Variants in CNTN1 observed in about 807,000 individuals in gnomAD.
CNTN1 encodes contactin 1.
CNTN1 carries 38 observed loss-of-function variants against 126.4 expected under a neutral mutation model. The ratio of observed to expected loss-of-function variants is 0.30; its 90% confidence interval spans 0.23 to 0.39. CNTN1 has a LOEUF of 0.39. Ranked by LOEUF, CNTN1 falls within the 10% of genes least tolerant of loss-of-function variation. The pLI, the probability that CNTN1 is intolerant of heterozygous loss-of-function variation, is 1.00. For synonymous variants in CNTN1, 413 were observed against 422.6 expected, an observed-to-expected ratio of 0.98 and a Z score of 0.28; for missense variants, 1,009 against 1,248.4, an observed-to-expected ratio of 0.81 and a Z score of 2.89.
At chr12:41,020,230 T>G in intron 19 of CNTN1, 107 bp from the exon 20 acceptor site, 2 of 677,538 alleles carry the variant, frequency 3.0e-6, no homozygotes, top group Non-Finnish European at 5.1e-6. Flanking sequence ...TTTAGAAACA[T>G]TAAAATTAAA....
intron 10 of CNTN1, 68 bp downstream of exon 10, chr12:40,936,973 G>C: frequency 6.3e-7 from 1 of 1,595,298 alleles, no homozygotes; most frequent in Non-Finnish European, 8.6e-7. Context: ...GTAGTCCTGG[G>C]ATAAATTTAG....
chr12:40,823,852 T>G (rs2136533142), intron 1 of CNTN1, among the ~76,000 whole-genome samples: 1 of 152,310 alleles, frequency 6.6e-6, no homozygotes, highest in East Asian at 1.9e-4. Flanking sequence ...TTGTTAAATC[T>G]AAAATTATTT....
intron 1 of CNTN1, among the ~76,000 whole-genome samples, chr12:40,699,350 T>A (rs1359640010): frequency 6.6e-6 from 1 of 152,200 alleles, no homozygotes; most frequent in Non-Finnish European, 1.5e-5. Flanking sequence ...CTAAAAATTA[T>A]GTCAATCTTC....
chr12:40,722,082 T>G (rs150569146), intron 1 of CNTN1, among the ~76,000 whole-genome samples: 2 of 152,224 alleles, frequency 1.3e-5, no homozygotes, highest in East Asian at 3.9e-4. Flanking sequence ...ACAACAGGCT[T>G]CTCTCCATCA....
intron 15 of CNTN1, chr12:40,972,441 G>A (rs1947546269): frequency 2.0e-6 from 2 of 983,152 alleles, no homozygotes; most frequent in South Asian, 9.4e-5. Flanking sequence ...AGACAGGTTT[G>A]TGTTTAGGTA....
chr12:40,993,665 G>A (rs1174202510), intron 17 of CNTN1, among the ~76,000 whole-genome samples: 1 of 152,178 alleles, frequency 6.6e-6, no homozygotes, highest in East Asian at 1.9e-4. Flanking sequence ...GATTTAGAAG[G>A]TTCATAATTC....
chr12:40,998,879 C>A (rs768877623), intron 17 of CNTN1, among the ~76,000 whole-genome samples: 28 of 152,016 alleles, frequency 1.8e-4, no homozygotes, highest in Non-Finnish European at 3.2e-4. Context: ...ATTAACTTTT[C>A]ATCTGTAAAA....
At chr12:41,016,590 A>G (rs953699152) in intron 18 of CNTN1, 92 bp from the exon 19 acceptor site, 2 of 801,162 alleles carry the variant, frequency 2.5e-6, no homozygotes, top group Non-Finnish European at 4.3e-6. Context: ...TTTTACAAAG[A>G]GCACGCCTCC....
chr12:40,788,678 T>TA (rs1424969099), intron 1 of CNTN1, among the ~76,000 whole-genome samples: 1 of 152,124 alleles, frequency 6.6e-6, no homozygotes, highest in Non-Finnish European at 1.5e-5. Context: ...AGCCATAATT[T>TA]AGCAGATCAT....
intron 19 of CNTN1, among the ~76,000 whole-genome samples, chr12:41,017,381 C>CAAAAAAAAAAA (rs1178250513): frequency 1.3e-5 from 1 of 79,626 alleles, no homozygotes; most frequent in Non-Finnish European, 2.8e-5. Context: ...GACTCCGTCT[C>CAAAAAAAAAAA]AAAAAAAAAA....
At chr12:40,989,856 T>G (rs984110098) in intron 16 of CNTN1, among the ~76,000 whole-genome samples, 1 of 152,044 alleles carries the variant, frequency 6.6e-6, no homozygotes, top group Non-Finnish European at 1.5e-5. Context: ...GTGGGCCTCA[T>G]GTGGACCTAG....
intron 17 of CNTN1, among the ~76,000 whole-genome samples, chr12:40,999,020 T>C (rs1411285165): frequency 2.6e-5 from 4 of 152,284 alleles, no homozygotes; most frequent in African/African-American, 9.6e-5. Flanking sequence ...TTGTACATTC[T>C]TAAATAAAAC....
intron 1 of CNTN1, among the ~76,000 whole-genome samples, chr12:40,846,615 T>A (rs1422882621): frequency 6.6e-6 from 1 of 152,196 alleles, no homozygotes; most frequent in African/African-American, 2.4e-5. Context: ...CTCATCAAAC[T>A]AAGGAGACTT....
intron 17 of CNTN1, among the ~76,000 whole-genome samples, chr12:41,013,707 G>C (rs576236268): frequency 6.6e-5 from 10 of 152,310 alleles, no homozygotes; most frequent in Admixed American, 5.2e-4. Context: ...AAGAGAACGG[G>C]GGAGAGAGTA....
chr12:40,886,782 A>C (rs12317351), intron 1 of CNTN1, among the ~76,000 whole-genome samples: 67,433 of 151,822 alleles, frequency 0.44, 16,003 homozygotes, highest in African/African-American at 0.63. Flanking sequence ...AGCTTTCTAC[A>C]TATGGCTAGC....
intron 1 of CNTN1, among the ~76,000 whole-genome samples, chr12:40,897,477 A>T (rs1190655836): frequency 3.9e-5 from 6 of 152,174 alleles, no homozygotes; most frequent in African/African-American, 1.2e-4. Flanking sequence ...CTTGGATTTG[A>T]TACAAGGAAA....
chr12:40,924,455 G>A (rs1945560448), intron 5 of CNTN1, 102 bp from the exon 6 acceptor site: 2 of 707,706 alleles, frequency 2.8e-6, no homozygotes, highest in South Asian at 1.5e-5. Flanking sequence ...GAGAAGTGCT[G>A]TATCTCACGA....
chr12:40,749,634 A>AT (rs200512574), intron 1 of CNTN1, among the ~76,000 whole-genome samples: 1,832 of 98,074 alleles, frequency 0.019, 261 homozygotes, highest in Middle Eastern at 0.04. Flanking sequence ...TTGTTTTTTT[A>AT]TTTTTTTTTT....
chr12:40,808,196 TGTTA>T (rs771107633), intron 1 of CNTN1, among the ~76,000 whole-genome samples: 31 of 152,336 alleles, frequency 2.0e-4, no homozygotes, highest in South Asian at 1.7e-3. Context: ...GAGTTGACTG[TGTTA>T]AAATCAAAAT....
Sources: allele counts gnomAD v4.1 joint callset (sites outside exome capture counted in the v4.1 genomes callset), GRCh38; gene constraint gnomAD v4.1.1; transcripts MANE v1.5; gene names NCBI Gene and HGNC (gene_info 2026-07-23, HGNC 2026-07-21).